PIK3C3: variants seen among roughly 807,000 people sequenced by gnomAD.
The protein encoded by PIK3C3 is phosphatidylinositol 3-kinase catalytic subunit type 3, also known as PI3-kinase type 3.
Under a neutral mutation model 126.1 loss-of-function variants are expected in PIK3C3, and 95 were observed. The ratio of observed to expected loss-of-function variants is 0.75; its 90% CI spans 0.64 to 0.89. The LOEUF (loss-of-function observed/expected upper bound fraction) is 0.89, where lower values mean the gene tolerates loss of function less well. PIK3C3 is among the 40% of genes least tolerant of loss of function. PIK3C3 has a pLI of 0.00. For synonymous variants in PIK3C3, 374 were observed against 360.0 expected, an observed-to-expected ratio of 1.04 and a Z score of -0.44; for missense variants, 829 against 1,063.2, an observed-to-expected ratio of 0.78 and a Z score of 3.06.
intron 6 of PIK3C3, among the ~76,000 whole-genome samples, chr18:41,991,534 T>C (rs1165285686): frequency 6.6e-6 from 1 of 152,180 alleles, no homozygotes; most frequent in Non-Finnish European, 1.5e-5. Flanking sequence ...TGATATGCAG[T>C]GTATTTGTTC....
At chr18:41,969,127 GTTTT>G (rs146933092) in intron 3 of PIK3C3, among the ~76,000 whole-genome samples, 2 of 147,654 alleles carry the variant, frequency 1.4e-5, no homozygotes, top group African/African-American at 2.5e-5. Flanking sequence ...TCTGTACCTT[GTTTT>G]TTTTTTAAAG....
chr18:42,002,537 A>G (rs935789690), intron 9 of PIK3C3, among the ~76,000 whole-genome samples: 1 of 152,210 alleles, frequency 6.6e-6, no homozygotes, highest in Non-Finnish European at 1.5e-5. Flanking sequence ...AGCAATATGA[A>G]GACATTTTTG....
At chr18:42,080,214 T>G (rs1986199633) in intron 24 of PIK3C3, among the ~76,000 whole-genome samples, 1 of 152,208 alleles carries the variant, frequency 6.6e-6, no homozygotes, top group African/African-American at 2.4e-5. Flanking sequence ...TAAAAATATT[T>G]AAATTGCTTC....
chr18:42,030,913 G>A (rs930610111), intron 15 of PIK3C3, among the ~76,000 whole-genome samples: 5 of 152,102 alleles, frequency 3.3e-5, no homozygotes, highest in African/African-American at 4.8e-5. Context: ...AGCTCTTCTG[G>A]AGGCTGACCA....
chr18:41,987,045 A>G (rs1478111501), intron 4 of PIK3C3, among the ~76,000 whole-genome samples: 1 of 152,050 alleles, frequency 6.6e-6, no homozygotes, highest in Non-Finnish European at 1.5e-5. Context: ...AGAAACTGAT[A>G]TAGATAAGCT....
intron 4 of PIK3C3, among the ~76,000 whole-genome samples, chr18:41,981,323 A>G (rs1003171591): frequency 2.0e-5 from 3 of 152,134 alleles, no homozygotes; most frequent in East Asian, 3.9e-4. Flanking sequence ...CTGTAAATCT[A>G]TTTTCTGTCT....
intron 20 of PIK3C3, 53 bp from the exon 21 acceptor site, chr18:42,049,478 G>C: frequency 7.4e-7 from 1 of 1,346,352 alleles, no homozygotes; most frequent in South Asian, 1.2e-5. Context: ...TCAGTAGAAT[G>C]TATAACCTGG....
intron 13 of PIK3C3, chr18:42,026,326 A>C (rs543648570): frequency 6.6e-6 from 1 of 151,834 alleles, no homozygotes; most frequent in African/African-American, 2.4e-5. Context: ...ACAGTCTAGC[A>C]TTTGTATTTA....
At chr18:42,013,915 A>G (rs1166181846) in intron 11 of PIK3C3, among the ~76,000 whole-genome samples, 1 of 152,182 alleles carries the variant, frequency 6.6e-6, no homozygotes, top group East Asian at 1.9e-4. Context: ...ACTCATCTTT[A>G]AGGGTTGTTT....
At position 42,025,388 on chromosome 18, in the gene PIK3C3, C is replaced by G. The variant is rs140358656; in HGVS notation, c.1485-2055C>G. ...AACTGCTGTTTTTTGTTTTAATGTTCGGCTTTAGATTCATGGACCACAAAT... is the reference window on the plus strand; with the variant it reads ...AACTGCTGTTTTTTGTTTTAATGTTGGGCTTTAGATTCATGGACCACAAAT... On this transcript the variant is annotated intron_variant, in intron 13 of 24. Coordinates refer to ENST00000262039, the MANE Select transcript of PIK3C3 (RefSeq NM_002647.4). 126 of 152,266 alleles carry G rather than the reference C, an allele frequency of 8.3e-4. 1 individual carries two copies. Among genetic ancestry groups the G allele is most frequent in the African/African-American group, 2.9e-3 (122 of 41,520 alleles). 9.4% of individuals were successfully genotyped at this position (152,266 alleles called of 1,614,324 possible).
chr18:41,968,318 G>T (rs959641934), intron 3 of PIK3C3, among the ~76,000 whole-genome samples: 11 of 152,152 alleles, frequency 7.2e-5, no homozygotes, highest in Non-Finnish European at 1.3e-4. Context: ...ACTGTACGTA[G>T]TTCCTTAGAG....
chr18:41,987,361 C>G (rs1981534539), intron 4 of PIK3C3, among the ~76,000 whole-genome samples: 1 of 151,970 alleles, frequency 6.6e-6, no homozygotes, highest in South Asian at 2.1e-4. Context: ...TGAGCTTAAA[C>G]CTTAGAGTAT....
chr18:42,078,455 A>G (rs1210020982), intron 24 of PIK3C3, among the ~76,000 whole-genome samples: 1 of 151,588 alleles, frequency 6.6e-6, no homozygotes, highest in Non-Finnish European at 1.5e-5. Context: ...CATCCAAGCT[A>G]CTGTTTCATT....
At chr18:42,031,668 C>T (rs905379498) in intron 15 of PIK3C3, among the ~76,000 whole-genome samples, 3 of 152,122 alleles carry the variant, frequency 2.0e-5, no homozygotes, top group Admixed American at 6.6e-5. Flanking sequence ...CTGCCAGCCT[C>T]GGCCTTCCAA....
chr18:42,043,555 A>T (rs904289955), intron 19 of PIK3C3, among the ~76,000 whole-genome samples, 178 bp from the exon 20 acceptor site: 6 of 152,152 alleles, frequency 3.9e-5, no homozygotes, highest in Admixed American at 2.6e-4. Context: ...GTTTCCCCTA[A>T]TGGAAACTCT....
chr18:41,990,913 A>G (rs1981743559), intron 6 of PIK3C3, among the ~76,000 whole-genome samples: 2 of 152,158 alleles, frequency 1.3e-5, no homozygotes, highest in Non-Finnish European at 2.9e-5. Flanking sequence ...GTGGTAGGCT[A>G]TTTATTGAAA....
chr18:41,959,619 G>A (rs1402398037), intron 2 of PIK3C3, among the ~76,000 whole-genome samples: 1 of 152,052 alleles, frequency 6.6e-6, no homozygotes, highest in Non-Finnish European at 1.5e-5. Flanking sequence ...CCCACATGGT[G>A]AAACCCCCTA....
intron 21 of PIK3C3, among the ~76,000 whole-genome samples, chr18:42,056,772 A>G (rs763475762): frequency 6.6e-6 from 1 of 152,166 alleles, no homozygotes. Context: ...TGGACTTTTC[A>G]TCAGTTCATG....
chr18:41,959,706 A>T (rs1346120195), intron 2 of PIK3C3, among the ~76,000 whole-genome samples: 2 of 152,094 alleles, frequency 1.3e-5, no homozygotes, highest in Non-Finnish European at 2.9e-5. Context: ...AGGCAGGAGA[A>T]TCGCCGGAAC....
Sources: gnomAD v4.1 joint callset for allele counts (sites outside exome capture counted in the v4.1 genomes callset) on GRCh38, gnomAD v4.1.1 for gene constraint, MANE v1.5 for transcripts, NCBI Gene and HGNC (gene_info 2026-07-23, HGNC 2026-07-21) for gene names.